Variants in CCSER1 observed in about 807,000 individuals in gnomAD.
CCSER1 encodes coiled-coil serine rich protein 1.
CCSER1 carries 41 observed loss-of-function variants against 82.0 expected under a neutral mutation model. The observed-to-expected ratio is 0.50, with a 90% CI of 0.39 to 0.65. The LOEUF (loss-of-function observed/expected upper bound fraction) is 0.65, where lower values mean the gene tolerates loss of function less well. Ranked by LOEUF, CCSER1 falls within the 30% of genes least tolerant of loss-of-function variation. The pLI, the probability that CCSER1 is intolerant of heterozygous loss-of-function variation, is 0.00. For missense variants in CCSER1, 1,119 were observed against 1,064.2 expected (o/e 1.05, Z -0.72); for synonymous variants, 414 against 383.9 (o/e 1.08, Z -0.92).
intron 10 of CCSER1, among the ~76,000 whole-genome samples, chr4:91,431,152 C>T (rs914570754): frequency 9.9e-5 from 15 of 152,020 alleles, no homozygotes; most frequent in Admixed American, 9.2e-4. Flanking sequence ...AGGAGAATGG[C>T]GTGAACCCGG....
chr4:90,808,578 G>T (rs1285329934), intron 7 of CCSER1, among the ~76,000 whole-genome samples: 1 of 152,028 alleles, frequency 6.6e-6, no homozygotes, highest in Non-Finnish European at 1.5e-5. Flanking sequence ...GTGGGTAAAT[G>T]ACATAAGCAG....
intron 3 of CCSER1, among the ~76,000 whole-genome samples, chr4:90,315,387 C>G (rs1188195458): frequency 1.3e-5 from 2 of 152,180 alleles, no homozygotes. Flanking sequence ...AATACTGAAA[C>G]TTTTGAATTT....
At chr4:90,965,324 C>G (rs2150385200) in intron 9 of CCSER1, among the ~76,000 whole-genome samples, 1 of 152,152 alleles carries the variant, frequency 6.6e-6, no homozygotes, top group African/African-American at 2.4e-5. Context: ...AAAGCCACAA[C>G]AAGTGCAGGG....
At chr4:91,195,761 C>T (rs1735355202) in intron 10 of CCSER1, among the ~76,000 whole-genome samples, 1 of 152,212 alleles carries the variant, frequency 6.6e-6, no homozygotes. Flanking sequence ...CTATCTCTCA[C>T]ATCATTCTGC....
intron 9 of CCSER1, among the ~76,000 whole-genome samples, chr4:90,979,219 C>A (rs960706020): frequency 2.6e-5 from 4 of 151,022 alleles, no homozygotes; most frequent in Non-Finnish European, 1.5e-5. Flanking sequence ...TTTTTTAAAG[C>A]AAAGCCAATT....
rs553151039 is a variant in CCSER1 at position 90,708,882 on chromosome 4, C to A, written c.1933-15032C>A. 2.6e-5 allele frequency among the ~76,000 whole-genome samples: 4 copies of A among 152,152 alleles called. No individual in the cohort carries two copies. The South Asian group carries it at 8.3e-4, about 32-fold the overall frequency. ...AGTTGAAGATATGATACATTTAGAA[C>A]CCTCAAACTCCTCAAGTGGTAGTAA... is the stretch of plus-strand genomic sequence containing the variant. On this transcript the variant is annotated intron_variant, in intron 6 of 10. Coordinates refer to ENST00000509176, the MANE Select transcript of CCSER1 (RefSeq NM_001145065.2).
intron 6 of CCSER1, chr4:90,663,829 T>C (rs1274347746): frequency 3.0e-6 from 1 of 336,932 alleles, no homozygotes; most frequent in Non-Finnish European, 6.2e-6. Context: ...TAATTGTGTG[T>C]TATTGTTACT....
chr4:91,527,263 A>G (rs560569986), intron 10 of CCSER1, among the ~76,000 whole-genome samples: 139 of 152,310 alleles, frequency 9.1e-4, no homozygotes, highest in African/African-American at 3.3e-3. Context: ...ACATGTGCCA[A>G]AGAACTTGCT....
At chr4:90,597,650 A>T (rs1485569356) in intron 5 of CCSER1, among the ~76,000 whole-genome samples, 1 of 152,104 alleles carries the variant, frequency 6.6e-6, no homozygotes, top group Non-Finnish European at 1.5e-5. Flanking sequence ...CATCTGGTAT[A>T]CTTATGTTTT....
intron 7 of CCSER1, among the ~76,000 whole-genome samples, chr4:90,800,287 G>A (rs1224213836): frequency 6.6e-6 from 1 of 151,780 alleles, no homozygotes; most frequent in African/African-American, 2.4e-5. Flanking sequence ...ATTTTTTGTA[G>A]AGACGAGGTC....
At chr4:90,448,485 A>ATATATATATT (rs1553914348) in intron 4 of CCSER1, among the ~76,000 whole-genome samples, 1 of 124,096 alleles carries the variant, frequency 8.1e-6, no homozygotes, top group African/African-American at 3.3e-5. Context: ...ATATATATAT[A>ATATATATATT]GCACTTTTCT....
intron 5 of CCSER1, among the ~76,000 whole-genome samples, chr4:90,499,087 T>C (rs113042897): frequency 2.0e-5 from 3 of 152,052 alleles, no homozygotes; most frequent in African/African-American, 7.2e-5. Flanking sequence ...TTATGAAATA[T>C]ATATGTGTGT....
At chr4:90,768,491 G>A (rs1354329898) in intron 7 of CCSER1, among the ~76,000 whole-genome samples, 1 of 152,132 alleles carries the variant, frequency 6.6e-6, no homozygotes, top group Non-Finnish European at 1.5e-5. Flanking sequence ...TTTATTCTGA[G>A]TGTAGGATGC....
chr4:90,998,207 A>C (rs1360813885), intron 9 of CCSER1, among the ~76,000 whole-genome samples: 2 of 152,034 alleles, frequency 1.3e-5, no homozygotes, highest in Admixed American at 1.3e-4. Flanking sequence ...CAGCCTCCCA[A>C]GTAGCTGGGA....
chr4:90,990,230 A>G (rs1020915555), intron 9 of CCSER1, among the ~76,000 whole-genome samples: 4 of 151,914 alleles, frequency 2.6e-5, no homozygotes, highest in Non-Finnish European at 4.4e-5. Context: ...TGTTTCAGCT[A>G]CAAGATATAC....
At chr4:90,849,774 G>A (rs1182926107) in intron 8 of CCSER1, among the ~76,000 whole-genome samples, 1 of 138,066 alleles carries the variant, frequency 7.2e-6, no homozygotes, top group Non-Finnish European at 1.5e-5. Flanking sequence ...GGGCAACAGT[G>A]CAAAACTCCA....
chr4:91,098,624 C>T (rs1362555540), intron 10 of CCSER1, among the ~76,000 whole-genome samples: 1 of 151,722 alleles, frequency 6.6e-6, no homozygotes, highest in Non-Finnish European at 1.5e-5. Flanking sequence ...TCACTGCAAG[C>T]TCCGCCTCCC....
intron 10 of CCSER1, among the ~76,000 whole-genome samples, chr4:91,258,839 CAGAG>C (rs1392314383): frequency 6.6e-6 from 1 of 152,000 alleles, no homozygotes; most frequent in Non-Finnish European, 1.5e-5. Flanking sequence ...AAAAATGAAG[CAGAG>C]AGAATTTAAG....
At chr4:91,336,607 A>G (rs190408310) in intron 10 of CCSER1, among the ~76,000 whole-genome samples, 7 of 152,224 alleles carry the variant, frequency 4.6e-5, no homozygotes, top group Admixed American at 3.3e-4. Flanking sequence ...AAAGGGCTCA[A>G]TGCCTAAAAT....
Sources: gnomAD v4.1 joint callset for allele counts (sites outside exome capture counted in the v4.1 genomes callset) on GRCh38, gnomAD v4.1.1 for gene constraint, MANE v1.5 for transcripts, NCBI Gene and HGNC (gene_info 2026-07-23, HGNC 2026-07-21) for gene names.